Variants in FAM98B observed in about 807,000 individuals in gnomAD.
The protein encoded by FAM98B is tRNA splicing ligase complex subunit 3B.
In FAM98B, 32 loss-of-function variants were observed where a neutral mutation model predicts 43.9. The observed-to-expected ratio is 0.73, with a 90% CI of 0.55 to 0.98. The LOEUF is 0.98. Among genes scored for constraint, FAM98B ranks in the 50% least tolerant of loss-of-function variants. FAM98B has a pLI of 0.00. For missense variants in FAM98B, 514 were observed against 522.9 expected, an observed-to-expected ratio of 0.98 and a Z score of 0.17; for synonymous variants, 190 against 174.0, an observed-to-expected ratio of 1.09 and a Z score of -0.72.
At chr15:38,462,705 A>G (rs1889968756) in intron 1 of FAM98B, among the ~76,000 whole-genome samples, 1 of 152,218 alleles carries the variant, frequency 6.6e-6, no homozygotes, top group South Asian at 2.1e-4. Flanking sequence ...GTAAAACAAA[A>G]TAAGTAAAAC....
chr15:38,469,095 G>A (rs62002934), intron 3 of FAM98B, among the ~76,000 whole-genome samples: 1,749 of 152,064 alleles, frequency 0.012, 20 homozygotes, highest in Non-Finnish European at 0.019. Flanking sequence ...TAGTAGAGTC[G>A]GGGTTTCACC....
At chr15:38,472,298 A>G (rs1217470158) in intron 4 of FAM98B, among the ~76,000 whole-genome samples, 1 of 152,146 alleles carries the variant, frequency 6.6e-6, no homozygotes, top group African/African-American at 2.4e-5. Context: ...AAAATTGGAT[A>G]TATTTACAAC....
intron 1 of FAM98B, among the ~76,000 whole-genome samples, chr15:38,456,586 A>G (rs1465878575): frequency 6.6e-6 from 1 of 152,244 alleles, no homozygotes; most frequent in Non-Finnish European, 1.5e-5. Context: ...CACAAAAACA[A>G]TTATAAACTA....
chr15:38,481,629 T>G, intron 7 of FAM98B, 170 bp downstream of exon 7: 1 of 1,536,958 alleles, frequency 6.5e-7, no homozygotes, highest in Non-Finnish European at 8.8e-7. Flanking sequence ...GTGTGTATGT[T>G]CACTTGAATT....
intron 3 of FAM98B, among the ~76,000 whole-genome samples, chr15:38,467,203 A>G (rs909754265): frequency 2.6e-5 from 4 of 152,196 alleles, no homozygotes; most frequent in Non-Finnish European, 5.9e-5. Flanking sequence ...CAGTCTTACC[A>G]GCATCTAGTC....
At chr15:38,463,949 C>A in intron 1 of FAM98B, 83 bp from the exon 2 acceptor site, 1 of 1,276,926 alleles carries the variant, frequency 7.8e-7, no homozygotes, top group Non-Finnish European at 1.1e-6. Flanking sequence ...CAAAAACAAG[C>A]AGCAGACCTT....
chr15:38,484,492 G>A lies in FAM98B; in HGVS notation c.1135G>A (p.Gly379Arg). The A allele has an allele frequency of 3.1e-6, 4 of 1,291,644 alleles. No homozygotes were observed. The highest frequency in any genetic ancestry group is 3.9e-6 in the Non-Finnish European group (4 of 1,017,908). The allele number at this position is 1,291,644 out of a possible 1,614,324, so 80.0% of individuals were successfully genotyped here. ...GGGAGGGGGAGGAGGGTGGGGGGGA[G>A]GAGGAGGAGGTGGTAGAGGAGGTTT... ...GGGGGGGWGG[G>R]GGGGRGGFQG... Residue 379 changes from glycine (G) to arginine (R), a missense_variant, in exon 8 of 8, where the codon GGA (glycine) becomes AGA (arginine). This residue lies in a region of FAM98B where 469 missense variants were observed against 451.8 expected (regional missense o/e 1.04). Transcript: ENST00000397609.
Position 38,464,178 on chromosome 15 carries a change from G to T in FAM98B, c.217+1G>T. ...TTGGAAGAAAGTATCACGTCTGCTG[G>T]TATTGCCATTATGTTGTATTTACTT... On this transcript the variant is annotated splice_donor_variant, in intron 2 of 7. Coordinates refer to ENST00000397609, the MANE Select transcript of FAM98B (RefSeq NM_173611.4). LOFTEE classifies it high-confidence loss of function. 2 of 1,608,732 alleles carry T rather than the reference G, an allele frequency of 1.2e-6. No homozygotes were observed. Among genetic ancestry groups the T allele is most frequent in the Non-Finnish European group, 1.7e-6 (2 of 1,177,374 alleles).
In FAM98B at chr15:38,484,371, GGGTGGTGGTGGTGGA is replaced by G. The variant is rs1566902202; in HGVS notation, c.1024_1038del (p.Gly342_Gly346del). The stretch of plus-strand genomic sequence containing the variant: ...AAGGCGGCGGTGGAAGGGGTGGTTG[GGGTGGTGGTGGTGGA>G]GGTGGTGGTAGAGGAGGTGGTGGGG... On this transcript the variant is annotated inframe_deletion, in exon 8 of 8. Coordinates refer to ENST00000397609, the MANE Select transcript of FAM98B (RefSeq NM_173611.4). 8 of 1,514,372 alleles carry G rather than the reference GGGTGGTGGTGGTGGA, an allele frequency of 5.3e-6. No homozygotes were observed. The highest frequency in any genetic ancestry group is 2.6e-5 in the East Asian group (1 of 37,990). 93.8% of individuals were successfully genotyped at this position (1,514,372 alleles called of 1,614,324 possible). A position where few individuals can be genotyped will look rare whatever the true frequency, so the allele number is the denominator to read the frequency against.
chr15:38,480,176 G>A (rs755761520), intron 6 of FAM98B, among the ~76,000 whole-genome samples: 5 of 151,972 alleles, frequency 3.3e-5, no homozygotes, highest in Admixed American at 6.5e-5. Flanking sequence ...TTATAATGTA[G>A]TTGTTTTTAA....
rs1375473888 is a variant in FAM98B at position 38,487,227 on chromosome 15, A to C, written c.*2568A>C. On this transcript the variant is annotated 3_prime_UTR_variant, in exon 8 of 8. Coordinates refer to ENST00000397609, the MANE Select transcript of FAM98B (RefSeq NM_173611.4). ...TTCTTTGAACTTACTTTTGTTTTGCAGATCAGGGAAACCTTGCCTCATTAA... is the reference window on the plus strand; with the variant it reads ...TTCTTTGAACTTACTTTTGTTTTGCCGATCAGGGAAACCTTGCCTCATTAA... 2 of 152,124 alleles carry C rather than the reference A, an allele frequency of 1.3e-5. No individual in the cohort carries two copies. The highest frequency in any genetic ancestry group is 4.8e-5 in the African/African-American group (2 of 41,450). The allele number at this position is 152,124 out of a possible 1,614,324, so 9.4% of individuals were successfully genotyped here.
chr15:38,462,940 A>G (rs1013915315), intron 1 of FAM98B, among the ~76,000 whole-genome samples: 3 of 152,178 alleles, frequency 2.0e-5, no homozygotes, highest in Non-Finnish European at 4.4e-5. Flanking sequence ...GGACAAGACA[A>G]AGGGCTCGAC....
At chr15:38,480,417 T>C (rs968522469) in intron 6 of FAM98B, among the ~76,000 whole-genome samples, 1 of 152,096 alleles carries the variant, frequency 6.6e-6, no homozygotes, top group Non-Finnish European at 1.5e-5. Context: ...TCAATCTATG[T>C]TTTTTTCTCC....
At position 38,485,286 on chromosome 15, in the gene FAM98B, G is replaced by A. The variant is rs1488106205; in HGVS notation, c.*627G>A. The A allele has an allele frequency of 1.3e-5, 2 of 152,152 alleles. No homozygotes were observed. Among genetic ancestry groups the A allele is most frequent in the African/African-American group, 4.8e-5 (2 of 41,454 alleles). 9.4% of individuals were successfully genotyped at this position (152,152 alleles called of 1,614,324 possible). ...ACTGTACATACTTATTTTCTAATTG[G>A]ATTTGAAATCAGCATGATTTTGTTT... is the stretch of plus-strand genomic sequence containing the variant. On this transcript the variant is annotated 3_prime_UTR_variant, in exon 8 of 8. Coordinates refer to ENST00000397609, the MANE Select transcript of FAM98B (RefSeq NM_173611.4).
intron 1 of FAM98B, among the ~76,000 whole-genome samples, chr15:38,461,126 A>G (rs544179794): frequency 1.3e-5 from 2 of 152,180 alleles, no homozygotes; most frequent in African/African-American, 2.4e-5. Context: ...GGTTTTTATT[A>G]TTGACATTTC....
chr15:38,458,855 C>A, intron 1 of FAM98B: 1 of 470,782 alleles, frequency 2.1e-6, no homozygotes, highest in East Asian at 5.6e-5. Flanking sequence ...GTCATCAAAC[C>A]AGGACTGCAC....
intron 1 of FAM98B, among the ~76,000 whole-genome samples, chr15:38,455,083 TTCC>T (rs1889827494): frequency 6.6e-6 from 1 of 152,210 alleles, no homozygotes; most frequent in Non-Finnish European, 1.5e-5. Flanking sequence ...CCTCGTTTTA[TTCC>T]TCCTCCTCCC....
intron 6 of FAM98B, among the ~76,000 whole-genome samples, chr15:38,478,712 T>C (rs1372380645): frequency 6.6e-6 from 1 of 152,186 alleles, no homozygotes; most frequent in Non-Finnish European, 1.5e-5. Flanking sequence ...GGGAAATGAT[T>C]TTAAGGCTGT....
rs193044999 is a variant in FAM98B at position 38,481,402 on chromosome 15, G to C, written c.840G>C (p.Lys280Asn). The C allele has an allele frequency of 1.2e-6, 2 of 1,614,134 alleles. No individual in the cohort carries two copies. Among genetic ancestry groups the C allele is most frequent in the Admixed American group, 3.3e-5 (2 of 60,020 alleles). ...HLLAAREDLS[K>N]IIRTSSGTSR... Reference sequence around the variant, plus strand: ...TTGCTGCTCGTGAAGATCTATCCAAGATCATTAGGACAAGTAGTGGCACCA... The same window carrying C: ...TTGCTGCTCGTGAAGATCTATCCAACATCATTAGGACAAGTAGTGGCACCA... The change falls in exon 7 of 8, where the codon AAG becomes AAC. Residue 280 changes from lysine to asparagine, a missense_variant. Physicochemically the swap from Lys to Asn is moderately conservative, Grantham distance 94. Coordinates refer to ENST00000397609, the MANE Select transcript of FAM98B (RefSeq NM_173611.4).
Sources: gnomAD v4.1 joint callset for allele counts (sites outside exome capture counted in the v4.1 genomes callset) on GRCh38, gnomAD v4.1.1 for gene constraint, gnomAD v4.1.1 regional missense constraint, MANE v1.5 for transcripts, NCBI Gene and HGNC (gene_info 2026-07-23, HGNC 2026-07-21) for gene names.